The following TRAPPC9 variants were observed in gnomAD, a reference collection of about 807,000 sequenced individuals.
The protein encoded by TRAPPC9 is IKK2 binding protein.
In TRAPPC9, 83 loss-of-function variants were observed where a neutral mutation model predicts 124.0. That is an observed-to-expected ratio of 0.67 (90% CI 0.56 to 0.80). The LOEUF is 0.80. TRAPPC9 is among the 30% of genes least tolerant of loss of function. The pLI, the probability that TRAPPC9 is intolerant of heterozygous loss-of-function variation, is 0.00. For synonymous variants in TRAPPC9, 638 were observed against 617.5 expected (o/e 1.03, Z -0.49); for missense variants, 1,302 against 1,508.3 (o/e 0.86, Z 2.27).
At chr8:140,005,802 C>T (rs1395112381) in intron 18 of TRAPPC9, among the ~76,000 whole-genome samples, 5 of 151,424 alleles carry the variant, frequency 3.3e-5, no homozygotes, top group African/African-American at 1.2e-4. Context: ...GTTCCAGCTA[C>T]TTGGGAGGCT....
chr8:140,458,382 A>G (rs1248355414), upstream of TRAPPC9: 1 of 1,598,034 alleles, frequency 6.3e-7, no homozygotes, highest in Non-Finnish European at 8.5e-7. Context: ...ACCCCCTGTG[A>G]CCCTCACGGT....
At chr8:140,038,165 C>T (rs1007286226) in intron 17 of TRAPPC9, among the ~76,000 whole-genome samples, 2 of 151,838 alleles carry the variant, frequency 1.3e-5, no homozygotes, top group African/African-American at 4.8e-5. Context: ...ATGTGAGGAA[C>T]GGAGAATAAA....
rs1383482079 is a variant in TRAPPC9, at chr8:140,384,903, G to T, written c.1134+12717C>A. 7.2e-5 allele frequency among the ~76,000 whole-genome samples: 11 copies of T among 152,258 alleles called. No homozygotes were observed. In the East Asian group the frequency reaches 2.1e-3, roughly 29 times the overall value. ...ACCACATCGCACTTATTCCAAAATT[G>T]ACCACATGGTTGGAAATAAAGCACT... On this transcript the variant is annotated intron_variant, in intron 7 of 22. Transcript: ENST00000438773.
In TRAPPC9 at chr8:140,436,832, T is replaced by C. The variant is rs960055549; in HGVS notation, c.731-1592A>G. ...CTTTCAAGAAAACCAAGTAAAACTA[T>C]GTCTTTCTCAGCCTGCATAATCCTT... On this transcript the variant is annotated intron_variant, in intron 3 of 22. Transcript: ENST00000438773. Among the ~76,000 whole-genome samples the C allele has an allele frequency of 8.5e-5, 13 of 152,256 alleles. 1 individual carries two copies. Among genetic ancestry groups the C allele is most frequent in the Admixed American group, 7.9e-4 (12 of 15,276 alleles).
chr8:140,428,571 CT>C (rs1323618690), intron 4 of TRAPPC9, among the ~76,000 whole-genome samples: 2 of 152,148 alleles, frequency 1.3e-5, no homozygotes, highest in Non-Finnish European at 2.9e-5. Flanking sequence ...ACCATCACCC[CT>C]GCCTGTAAAA....
chr8:139,843,326 T>C (rs957555074), intron 21 of TRAPPC9, among the ~76,000 whole-genome samples: 1 of 152,142 alleles, frequency 6.6e-6, no homozygotes, highest in Non-Finnish European at 1.5e-5. Context: ...CCGGGGCTGG[T>C]CACTGGCTCA....
At chr8:140,205,073 A>G (rs1654308979) in intron 17 of TRAPPC9, among the ~76,000 whole-genome samples, 1 of 152,246 alleles carries the variant, frequency 6.6e-6, no homozygotes, top group African/African-American at 2.4e-5. Context: ...GGAAGAAAGT[A>G]TGTGTAGGAA....
intron 16 of TRAPPC9, among the ~76,000 whole-genome samples, chr8:140,226,890 T>C (rs993573802): frequency 1.3e-5 from 2 of 152,088 alleles, no homozygotes; most frequent in East Asian, 3.8e-4. Context: ...ATCTGAAATT[T>C]GCCTCCTTTT....
intron 17 of TRAPPC9, among the ~76,000 whole-genome samples, chr8:140,163,840 G>A (rs79490171): frequency 0.031 from 4,648 of 152,226 alleles, 225 homozygotes; most frequent in African/African-American, 0.11. Flanking sequence ...GGAGCAAGAA[G>A]AGAGTTGTAA....
Position 139,772,099 on chromosome 8 carries a change from G to A in TRAPPC9, c.3056-39897C>T, listed in dbSNP as rs138814714. ...CTATCTATCTAGCCCGCCAACCTCT[G>A]AGGCCTACAGATAACCTGCTTCTCA... is the stretch of plus-strand genomic sequence containing the variant. On this transcript the variant is annotated intron_variant, in intron 21 of 22. Transcript: ENST00000438773. Among the ~76,000 whole-genome samples the A allele has an allele frequency of 1.5e-4, 23 of 152,350 alleles. No individual in the cohort carries two copies. The East Asian group carries it at 4.4e-3, about 29-fold the overall frequency.
intron 18 of TRAPPC9, among the ~76,000 whole-genome samples, chr8:139,993,547 G>T (rs1425949047): frequency 6.6e-6 from 1 of 152,148 alleles, no homozygotes; most frequent in Non-Finnish European, 1.5e-5. Flanking sequence ...GCCTATCTTG[G>T]ATCAACTCAG....
At chr8:139,860,779 A>T (rs6984413) in intron 21 of TRAPPC9, among the ~76,000 whole-genome samples, 10 of 152,222 alleles carry the variant, frequency 6.6e-5, no homozygotes, top group African/African-American at 2.4e-4. Context: ...CCTCACATGG[A>T]GGGCAGCCTC....
At chr8:140,238,593 C>G (rs182362851) in intron 16 of TRAPPC9, 15 of 152,334 alleles carry the variant, frequency 9.8e-5, no homozygotes, top group Admixed American at 7.2e-4. Context: ...TCCTTCAGAA[C>G]AAAGGCGGAT....
intron 9 of TRAPPC9, among the ~76,000 whole-genome samples, chr8:140,358,246 G>A (rs2067814569): frequency 6.6e-6 from 1 of 152,072 alleles, no homozygotes; most frequent in African/African-American, 2.4e-5. Flanking sequence ...CACTCTTATC[G>A]CCCAGGCTGG....
intron 18 of TRAPPC9, among the ~76,000 whole-genome samples, chr8:140,019,601 G>A (rs1447236306): frequency 7.7e-6 from 1 of 129,356 alleles, no homozygotes; most frequent in African/African-American, 3.1e-5. Flanking sequence ...CACCTAGGCT[G>A]GAGTGCAGTG....
chr8:139,790,565 C>A (rs1341895397), intron 21 of TRAPPC9, among the ~76,000 whole-genome samples: 2 of 152,196 alleles, frequency 1.3e-5, no homozygotes, highest in Non-Finnish European at 2.9e-5. Context: ...CCTGGGGAGA[C>A]ACTTGGCGGA....
chr8:139,958,741 G>C (rs377076473), intron 19 of TRAPPC9, among the ~76,000 whole-genome samples: 30 of 152,356 alleles, frequency 2.0e-4, no homozygotes, highest in African/African-American at 7.0e-4. Flanking sequence ...CCCGAGGCAG[G>C]ACAGGGTGTG....
At chr8:139,807,367 G>C (rs951107055) in intron 21 of TRAPPC9, among the ~76,000 whole-genome samples, 1 of 152,156 alleles carries the variant, frequency 6.6e-6, no homozygotes, top group Admixed American at 6.5e-5. Flanking sequence ...GGGGCAAAGC[G>C]GACAGCTGGC....
intron 17 of TRAPPC9, among the ~76,000 whole-genome samples, chr8:140,026,206 C>A (rs191524954): frequency 1.4e-4 from 22 of 152,252 alleles, no homozygotes; most frequent in African/African-American, 5.3e-4. Flanking sequence ...ACCAATATTC[C>A]ATTACATGTA....
Sources: gnomAD v4.1 joint callset for allele counts (sites outside exome capture counted in the v4.1 genomes callset) on GRCh38, gnomAD v4.1.1 for gene constraint, MANE v1.5 for transcripts, NCBI Gene and HGNC (gene_info 2026-07-23, HGNC 2026-07-21) for gene names.